The following IFI27L2 variants were observed in gnomAD, a reference collection of about 807,000 sequenced individuals.
The protein encoded by IFI27L2 is interferon alpha inducible protein 27 like 2, also known as interferon alpha-inducible protein 27-like protein 2.
In IFI27L2, 8 loss-of-function variants were observed where a neutral mutation model predicts 7.9. The ratio of observed to expected loss-of-function variants is 1.02; its 90% confidence interval spans 0.60 to 1.84. IFI27L2 has a LOEUF of 1.84. Among genes scored for constraint, IFI27L2 ranks in the 40% most tolerant of loss-of-function variants. The pLI, the probability that IFI27L2 is intolerant of heterozygous loss-of-function variation, is 0.00. For synonymous variants in IFI27L2, 56 were observed against 66.5 expected (o/e 0.84, Z 0.77); for missense variants, 190 against 165.8 (o/e 1.15, Z -0.80).
At position 94,127,917 on chromosome 14, in the gene IFI27L2, T is replaced by C. The variant is rs752347934; in HGVS notation, c.275A>G (p.Asn92Ser). The change falls in exon 4 of 4, where the codon AAT becomes AGT. Residue 92 changes from asparagine (N) to serine (S), a missense_variant. Transcript: ENST00000238609. ...VGSVLGACLGNSPSSSLPAEP... is the reference protein window; with the variant it reads ...VGSVLGACLGSSPSSSLPAEP... ...AGCTGGGAGAGAAGAAGAAGGTGAA[T>C]TCCCCAAGCAGGCCCCCAACACTGA... The C allele has an allele frequency of 6.2e-7, 1 of 1,613,802 alleles. No individual in the cohort carries two copies.
chr14:94,129,235 T>C (rs773020663), intron 2 of IFI27L2, 27 bp downstream of exon 2: 3 of 1,603,976 alleles, frequency 1.9e-6, no homozygotes, highest in Non-Finnish European at 2.6e-6. Flanking sequence ...GGTGAGGGCC[T>C]GGAGACAGGC....
chr14:94,128,267 T>G, intron 3 of IFI27L2: 1 of 594,186 alleles, frequency 1.7e-6, no homozygotes, highest in Non-Finnish European at 3.0e-6. Context: ...GTCACCCAGG[T>G]GTCAGAACCC....
At chr14:94,128,258 T>C in intron 3 of IFI27L2, 1 of 593,684 alleles carries the variant, frequency 1.7e-6, no homozygotes, top group Non-Finnish European at 3.0e-6. Flanking sequence ...CTTGCCCAGG[T>C]CACCCAGGTG....
intron 2 of IFI27L2, 48 bp from the exon 3 acceptor site, chr14:94,128,723 A>G (rs764576929): frequency 6.6e-5 from 100 of 1,506,032 alleles, no homozygotes; most frequent in Admixed American, 1.3e-4. Context: ...AGGAGAAGGG[A>G]CCCTTCCCCC....
chr14:94,128,833 G>A (rs1887632818), intron 2 of IFI27L2, 158 bp from the exon 3 acceptor site: 1 of 635,894 alleles, frequency 1.6e-6, no homozygotes, highest in Non-Finnish European at 2.7e-6. Flanking sequence ...AAAAGGTGGA[G>A]TGTGGAGCCA....
At chr14:94,128,135 G>A (rs1887618691) in intron 3 of IFI27L2, 143 bp from the exon 4 acceptor site, 2 of 615,412 alleles carry the variant, frequency 3.2e-6, no homozygotes, top group South Asian at 2.1e-5. Flanking sequence ...GCTCAGGGGT[G>A]AATTCACGGA....
intron 3 of IFI27L2, 116 bp downstream of exon 3, chr14:94,128,398 C>G: frequency 1.1e-6 from 1 of 903,740 alleles, no homozygotes; most frequent in South Asian, 1.5e-5. Flanking sequence ...GAGGGAGAGA[C>G]TGAAGACCCA....
chr14:94,129,168 G>A, intron 2 of IFI27L2, 94 bp downstream of exon 2: 1 of 984,926 alleles, frequency 1.0e-6, no homozygotes, highest in Non-Finnish European at 1.6e-6. Context: ...AGTGGAGGGT[G>A]AGAGCCAGCC....
Position 94,129,447 on chromosome 14 carries a change from G to T in IFI27L2, c.7+111C>A. 2.5e-6 allele frequency: 3 copies of T among 1,191,744 alleles called. No individual in the cohort carries two copies. In the South Asian group the frequency reaches 3.7e-5, roughly 15 times the overall value. The allele number at this position is 1,191,744 out of a possible 1,614,324, so 73.8% of individuals were successfully genotyped here. On this transcript the variant is annotated intron_variant, in intron 1 of 3. Transcript: ENST00000238609. ...GGAGGGAGAGGGAGTCAGTAGGTCAGCTGGTTGATGAAGTCAGGGAATGAA... is the reference window on the plus strand; with the variant it reads ...GGAGGGAGAGGGAGTCAGTAGGTCATCTGGTTGATGAAGTCAGGGAATGAA...
chr14:94,128,027 G>A (rs1283532662), intron 3 of IFI27L2, 35 bp from the exon 4 acceptor site: 1 of 1,488,216 alleles, frequency 6.7e-7, no homozygotes, highest in African/African-American at 1.4e-5. Context: ...ACAGGGGTCG[G>A]GCAGTGGCCC....
At position 94,128,248 on chromosome 14, in the gene IFI27L2, C is replaced by T. The variant is rs577720826; in HGVS notation, c.200-256G>A. The T allele has an allele frequency of 1.0e-5, 6 of 593,224 alleles. No homozygotes were observed. The Admixed American group carries it at 1.5e-4, about 15-fold the overall frequency. The allele number at this position is 593,224 out of a possible 1,614,324, so 36.7% of individuals were successfully genotyped here. Reference sequence around the variant, plus strand: ...CTGAGGCCCAGAGAGGACAGGGGACCTTGCCCAGGTCACCCAGGTGTCAGA... The same window carrying T: ...CTGAGGCCCAGAGAGGACAGGGGACTTTGCCCAGGTCACCCAGGTGTCAGA... On this transcript the variant is annotated intron_variant, in intron 3 of 3. Transcript: ENST00000238609.
In IFI27L2 at chr14:94,127,980, A is replaced by C; in HGVS notation, c.212T>G (p.Leu71Arg). The C allele has an allele frequency of 6.2e-7, 1 of 1,612,172 alleles. No homozygotes were observed. Among genetic ancestry groups the C allele is most frequent in the Non-Finnish European group, 8.5e-7 (1 of 1,178,988 alleles). ...ATLQSVGAAG[L>R]STSSNILLAS... The stretch of plus-strand genomic sequence containing the variant: ...CAGGAGGATGTTGGATGATGTGGAG[A>C]GTCCAGCTGCCCCTGTGGAGGAGAC... Residue 71 changes from leucine to arginine, a missense_variant, in exon 4 of 4, where the codon CTC becomes CGC. By Grantham distance (102) the Leu-to-Arg change is moderately radical (BLOSUM62 -2). Coordinates refer to ENST00000238609, the MANE Select transcript of IFI27L2 (RefSeq NM_032036.3).
intron 2 of IFI27L2, chr14:94,129,047 T>C (rs1365357748): frequency 1.7e-6 from 1 of 586,326 alleles, no homozygotes; most frequent in African/African-American, 1.9e-5. Flanking sequence ...CTTCCTCCTA[T>C]GCTTATTCGA....
chr14:94,128,456 G>C, intron 3 of IFI27L2, 58 bp downstream of exon 3: 1 of 1,532,976 alleles, frequency 6.5e-7, no homozygotes, highest in South Asian at 1.1e-5. Flanking sequence ...CTTCCCTCGG[G>C]CTCAGCCTCA....
Position 94,127,943 on chromosome 14 carries a change from C to T in IFI27L2, c.249G>A (p.Gly83=), listed in dbSNP as rs781592717. 3 of 1,613,788 alleles carry T rather than the reference C, an allele frequency of 1.9e-6. No individual in the cohort carries two copies. The highest frequency in any genetic ancestry group is 2.5e-6 in the Non-Finnish European group (3 of 1,179,926). ...TSSNILLASV[G]SVLGACLGNS... is the part of the protein sequence containing the mutation. ...TCCCCAAGCAGGCCCCCAACACTGACCCAACAGAGGCCAGGAGGATGTTGG... is the reference window on the plus strand; with the variant it reads ...TCCCCAAGCAGGCCCCCAACACTGATCCAACAGAGGCCAGGAGGATGTTGG... Residue 83 remains glycine (G), a synonymous_variant, in exon 4 of 4, where the codon GGG becomes GGA. Coordinates refer to ENST00000238609, the MANE Select transcript of IFI27L2 (RefSeq NM_032036.3).
intron 3 of IFI27L2, chr14:94,128,298 G>A (rs1887621773): frequency 1.7e-6 from 1 of 602,044 alleles, no homozygotes; most frequent in Non-Finnish European, 2.9e-6. Context: ...CTTGGCCTAG[G>A]TTCCTTTCCT....
rs752998632 is a variant in IFI27L2 at position 94,128,709 on chromosome 14, G to A, written c.38-34C>T. On this transcript the variant is annotated intron_variant, in intron 2 of 3. Transcript: ENST00000238609. ...AGAGAGAAGCTGAGTGCAGAGGTGG[G>A]CTCAGGAGAAGGGACCCTTCCCCCC... 9 of 1,573,862 alleles carry A rather than the reference G, an allele frequency of 5.7e-6. No individual in the cohort carries two copies. The East Asian group carries it at 2.1e-4, about 36-fold the overall frequency.
rs760338775 is a variant in IFI27L2 at position 94,128,667 on chromosome 14, C to T, written c.46G>A (p.Val16Met). 5.6e-6 allele frequency: 9 copies of T among 1,611,706 alleles called. No homozygotes were observed. In the South Asian group the frequency reaches 8.8e-5, roughly 16 times the overall value. ...CTGAGCACCACGGGCACAGCCCCCA[C>T]TGCCAGGGCTGTGGGGAGAGAGAAG... is the stretch of plus-strand genomic sequence containing the variant. ...AAAAVGGALA[V>M]GAVPVVLSAM... The change falls in exon 3 of 4, where the codon GTG becomes ATG. Residue 16 changes from valine to methionine, a missense_variant. By Grantham distance (21) the Val-to-Met change is conservative (BLOSUM62 1). Transcript: ENST00000238609.
chr14:94,129,288 C>A lies in IFI27L2; in HGVS notation c.11G>T (p.Arg4Leu), dbSNP rs751987990. The change falls in exon 2 of 4, where the codon CGG (arginine) becomes CTG (leucine). Residue 4 changes from arginine to leucine, a missense_variant. Arg to Leu is a moderately radical substitution (Grantham distance 102). Transcript: ENST00000238609. The stretch of plus-strand genomic sequence containing the variant: ...TCCTCCCACTGCAGCAGCAGCTGCC[C>A]GTTCTAGAGAGAGAGTGCCAGGGGA... MMKRAAAAAVGGAL... is the reference protein window; with the variant it reads MMKLAAAAAVGGAL... The A allele has an allele frequency of 2.5e-6, 4 of 1,608,394 alleles. No homozygotes were observed. The highest frequency in any genetic ancestry group is 3.4e-6 in the Non-Finnish European group (4 of 1,177,936).
Sources: allele counts gnomAD v4.1 joint callset, GRCh38; gene constraint gnomAD v4.1.1; transcripts MANE v1.5; gene names NCBI Gene and HGNC (gene_info 2026-07-23, HGNC 2026-07-21).